NALCN: variants seen among roughly 807,000 people sequenced by gnomAD.
The protein encoded by NALCN is sodium leak channel, non-selective, also known as sodium leak channel NALCN.
NALCN carries 111 observed loss-of-function variants against 225.3 expected under a neutral mutation model. The observed-to-expected ratio is 0.49, with a 90% CI of 0.42 to 0.58. The LOEUF is 0.58. Among genes scored for constraint, NALCN ranks in the 20% least tolerant of loss-of-function variants. The pLI is 0.00. For synonymous variants in NALCN, 764 were observed against 769.0 expected (o/e 0.99, Z 0.11); for missense variants, 1,378 against 2,202.4 (o/e 0.63, Z 7.49).
intron 3 of NALCN, among the ~76,000 whole-genome samples, chr13:101,385,325 C>T (rs2046956916): frequency 1.3e-5 from 2 of 152,090 alleles, no homozygotes; most frequent in South Asian, 4.1e-4. Flanking sequence ...CATTGTTTCA[C>T]GTTCCTCTTT....
intron 37 of NALCN, among the ~76,000 whole-genome samples, chr13:101,071,525 C>T (rs754861850): frequency 2.0e-5 from 3 of 152,184 alleles, no homozygotes; most frequent in Non-Finnish European, 4.4e-5. Flanking sequence ...TTGCTAGCGT[C>T]AAACATTTTT....
At chr13:101,414,711 T>C (rs1207042610) in intron 1 of NALCN, among the ~76,000 whole-genome samples, 1 of 152,234 alleles carries the variant, frequency 6.6e-6, no homozygotes, top group East Asian at 1.9e-4. Context: ...TTTGAATATC[T>C]TGCAAGTCCT....
chr13:101,185,727 C>T (rs977603630), intron 14 of NALCN, among the ~76,000 whole-genome samples: 1 of 152,194 alleles, frequency 6.6e-6, no homozygotes, highest in South Asian at 2.1e-4. Flanking sequence ...ATGAAATAGC[C>T]TGCTGTTCTT....
At chr13:101,076,063 A>C (rs1025847149) in intron 34 of NALCN, 122 bp from the exon 35 acceptor site, 3 of 654,856 alleles carry the variant, frequency 4.6e-6, no homozygotes, top group Admixed American at 3.4e-5. Flanking sequence ...AATTATTATA[A>C]GAAAGTGATC....
rs567787231 is a variant in NALCN, at chr13:101,391,011, T to C, written c.291+4172A>G. Reference sequence around the variant, plus strand: ...CCAACATGGCACATGTATACATATGTAACAAACCTGCATGTTATGCACATG... The same window carrying C: ...CCAACATGGCACATGTATACATATGCAACAAACCTGCATGTTATGCACATG... On this transcript the variant is annotated intron_variant, in intron 3 of 43. Coordinates refer to ENST00000251127, the MANE Select transcript of NALCN (RefSeq NM_052867.4). 6.6e-5 allele frequency among the ~76,000 whole-genome samples: 10 copies of C among 152,240 alleles called. No individual in the cohort carries two copies. The South Asian group carries it at 2.1e-3, about 32-fold the overall frequency.
intron 2 of NALCN, among the ~76,000 whole-genome samples, chr13:101,398,528 T>A (rs558303882): frequency 1.3e-5 from 2 of 152,288 alleles, no homozygotes; most frequent in Admixed American, 6.5e-5. Context: ...CAAATCCTCA[T>A]CAACTTAATT....
intron 6 of NALCN, among the ~76,000 whole-genome samples, chr13:101,353,108 C>A (rs1037787668): frequency 5.6e-4 from 85 of 152,228 alleles, no homozygotes; most frequent in African/African-American, 1.8e-3. Flanking sequence ...AATAGAGGAA[C>A]ACAATTCTAA....
chr13:101,257,623 A>G (rs941134273), intron 11 of NALCN, among the ~76,000 whole-genome samples: 12 of 152,128 alleles, frequency 7.9e-5, no homozygotes, highest in Non-Finnish European at 1.5e-4. Flanking sequence ...ACTTTTTCAT[A>G]GGTTGGATTT....
chr13:101,228,171 A>G (rs1160008703), intron 13 of NALCN, among the ~76,000 whole-genome samples: 1 of 152,208 alleles, frequency 6.6e-6, no homozygotes, highest in Non-Finnish European at 1.5e-5. Flanking sequence ...TTGGCGGCAC[A>G]TGAATGAAGA....
intron 12 of NALCN, among the ~76,000 whole-genome samples, chr13:101,231,240 G>A (rs960224067): frequency 1.3e-5 from 2 of 151,862 alleles, no homozygotes; most frequent in Non-Finnish European, 2.9e-5. Flanking sequence ...ATATTTAGAT[G>A]TTTTGCATAC....
intron 28 of NALCN, among the ~76,000 whole-genome samples, chr13:101,091,726 A>C (rs1314261725): frequency 6.6e-6 from 1 of 152,188 alleles, no homozygotes; most frequent in Non-Finnish European, 1.5e-5. Flanking sequence ...ATTTTTTACA[A>C]GCAAGTGAAC....
At chr13:101,323,170 T>C (rs1050138687) in intron 7 of NALCN, among the ~76,000 whole-genome samples, 3 of 152,222 alleles carry the variant, frequency 2.0e-5, no homozygotes, top group Non-Finnish European at 4.4e-5. Context: ...GTATACTTAA[T>C]ATAAAAAGTT....
At chr13:101,196,330 C>T (rs1297969980) in intron 13 of NALCN, among the ~76,000 whole-genome samples, 3 of 152,176 alleles carry the variant, frequency 2.0e-5, no homozygotes, top group African/African-American at 7.2e-5. Flanking sequence ...TTCTTACTAT[C>T]CTGCAGATGT....
intron 38 of NALCN, 112 bp from the exon 39 acceptor site, chr13:101,068,145 C>G: frequency 1.5e-6 from 1 of 684,686 alleles, no homozygotes; most frequent in Non-Finnish European, 2.4e-6. Flanking sequence ...TATCATAAGC[C>G]AAATTTTTAA....
chr13:101,090,109 C>G, intron 28 of NALCN, 143 bp from the exon 29 acceptor site: 1 of 1,167,134 alleles, frequency 8.6e-7, no homozygotes, highest in Non-Finnish European at 1.2e-6. Context: ...CACACGTGTG[C>G]GTGCACACAC....
intron 15 of NALCN, among the ~76,000 whole-genome samples, chr13:101,147,805 C>G (rs951563159): frequency 2.0e-5 from 3 of 152,074 alleles, no homozygotes; most frequent in Non-Finnish European, 4.4e-5. Flanking sequence ...CCAGTCACAT[C>G]CTTCAGTTGC....
chr13:101,177,387 C>CACTT (rs35520419), intron 14 of NALCN, among the ~76,000 whole-genome samples: 30,609 of 138,306 alleles, frequency 0.22, 4,391 homozygotes, highest in Non-Finnish European at 0.3. Context: ...GTGTTGAAAA[C>CACTT]ACATTATAAC....
intron 43 of NALCN, chr13:101,057,680 T>G: frequency 2.1e-6 from 1 of 474,876 alleles, no homozygotes; most frequent in East Asian, 4.3e-5. Context: ...TGCTGAATCT[T>G]GTCTTTTTCA....
intron 13 of NALCN, among the ~76,000 whole-genome samples, chr13:101,227,456 A>T (rs1180216493): frequency 1.3e-5 from 2 of 152,086 alleles, no homozygotes; most frequent in African/African-American, 4.8e-5. Flanking sequence ...GTTGATGAGG[A>T]ACATCTGAGT....
Sources: allele counts gnomAD v4.1 joint callset (sites outside exome capture counted in the v4.1 genomes callset), GRCh38; gene constraint gnomAD v4.1.1; transcripts MANE v1.5; gene names NCBI Gene and HGNC (gene_info 2026-07-23, HGNC 2026-07-21).